Variants in RPS6KC1 observed in about 807,000 individuals in gnomAD.
The protein encoded by RPS6KC1 is ribosomal protein S6 kinase C1.
A neutral mutation model predicts 103.8 loss-of-function variants in RPS6KC1; 54 were observed. The ratio of observed to expected loss-of-function variants is 0.52; its 90% CI spans 0.42 to 0.65. The LOEUF (loss-of-function observed/expected upper bound fraction) is 0.65, where lower values mean the gene tolerates loss of function less well. Ranked by LOEUF, RPS6KC1 falls within the 30% of genes least tolerant of loss-of-function variation. The probability of loss-of-function intolerance (pLI) is 0.00; values close to 1 mark genes in which losing one functional copy is unlikely to be tolerated. For missense variants in RPS6KC1, 1,151 were observed against 1,253.8 expected, an observed-to-expected ratio of 0.92 and a Z score of 1.24; for synonymous variants, 439 against 438.7, an observed-to-expected ratio of 1.00 and a Z score of -0.01.
chr1:213,440,843 T>C, the RPS6KC1 span, among the ~76,000 whole-genome samples: 1 of 152,162 alleles, frequency 6.6e-6, no homozygotes, highest in African/African-American at 2.4e-5. Flanking sequence ...TTCCCACCCA[T>C]CACCCTAGTT....
At chr1:213,622,676 C>T in the RPS6KC1 span, among the ~76,000 whole-genome samples, 8 of 152,118 alleles carry the variant, frequency 5.3e-5, no homozygotes, top group African/African-American at 1.4e-4. Context: ...CCCCTGACCC[C>T]CATAGGCACT....
intron 8 of RPS6KC1, among the ~76,000 whole-genome samples, chr1:213,183,833 G>T (rs139347542): frequency 4.6e-5 from 7 of 152,044 alleles, no homozygotes; most frequent in Non-Finnish European, 1.0e-4. Flanking sequence ...AAATTTTTGC[G>T]TAAAGCTGGT....
the RPS6KC1 span, among the ~76,000 whole-genome samples, chr1:213,362,755 A>T: frequency 0.63 from 96,344 of 152,132 alleles, 33,002 homozygotes; most frequent in African/African-American, 0.91. Context: ...GAGATTAAAA[A>T]GGAGGGATTT....
At chr1:213,205,547 G>GATATAGATATATATAT (rs1187996128) in intron 8 of RPS6KC1, among the ~76,000 whole-genome samples, 3 of 102,452 alleles carry the variant, frequency 2.9e-5, no homozygotes, top group African/African-American at 1.1e-4. Flanking sequence ...TATATATATA[G>GATATAGATATATATAT]ATATATATAT....
chr1:213,588,579 G>A, the RPS6KC1 span, among the ~76,000 whole-genome samples: 30 of 152,160 alleles, frequency 2.0e-4, no homozygotes, highest in East Asian at 5.8e-4. Context: ...GATTACAGGC[G>A]TGAGACACCA....
the RPS6KC1 span, among the ~76,000 whole-genome samples, chr1:213,335,639 A>G: frequency 1.3e-5 from 2 of 152,188 alleles, no homozygotes; most frequent in African/African-American, 4.8e-5. Context: ...CTGCAACCCC[A>G]TTGGCCAGAA....
At chr1:213,760,744 A>G in the RPS6KC1 span, among the ~76,000 whole-genome samples, 4 of 151,998 alleles carry the variant, frequency 2.6e-5, no homozygotes, top group African/African-American at 9.7e-5. Flanking sequence ...GATATTAGCC[A>G]GATCTTGTAG....
At chr1:213,135,303 C>A (rs1207600264) in intron 6 of RPS6KC1, among the ~76,000 whole-genome samples, 2 of 151,896 alleles carry the variant, frequency 1.3e-5, no homozygotes, top group African/African-American at 4.8e-5. Context: ...AAGTTTGAAC[C>A]CAGTTGTGCC....
the RPS6KC1 span, among the ~76,000 whole-genome samples, chr1:213,845,663 A>G: frequency 1.3e-5 from 2 of 152,206 alleles, no homozygotes; most frequent in Admixed American, 6.5e-5. Flanking sequence ...GATAGGTACT[A>G]GATATTACCT....
chr1:213,671,183 G>A, the RPS6KC1 span, among the ~76,000 whole-genome samples: 6 of 152,306 alleles, frequency 3.9e-5, no homozygotes, highest in South Asian at 1.0e-3. Flanking sequence ...CAATGGAATA[G>A]TATTCAGCCT....
intron 6 of RPS6KC1, among the ~76,000 whole-genome samples, chr1:213,161,264 C>G (rs1055246552): frequency 1.3e-5 from 2 of 151,842 alleles, no homozygotes; most frequent in Non-Finnish European, 2.9e-5. Flanking sequence ...GGAGGATTTT[C>G]TCTGTTACTC....
chr1:213,601,913 TTCCC>T, the RPS6KC1 span, among the ~76,000 whole-genome samples: 323 of 139,418 alleles, frequency 2.3e-3, 3 homozygotes, highest in African/African-American at 8.1e-3. Flanking sequence ...TTCCCTTCCC[TTCCC>T]TCCCTCCCTC....
At chr1:213,542,046 G>A in the RPS6KC1 span, among the ~76,000 whole-genome samples, 1 of 152,204 alleles carries the variant, frequency 6.6e-6, no homozygotes, top group Admixed American at 6.5e-5. Flanking sequence ...CTGTGGATAG[G>A]GAGACACGAT....
At chr1:213,854,276 G>A in the RPS6KC1 span, among the ~76,000 whole-genome samples, 2 of 152,254 alleles carry the variant, frequency 1.3e-5, no homozygotes, top group African/African-American at 4.8e-5. Flanking sequence ...TCATTTTCTG[G>A]GCTACTTTTA....
In RPS6KC1 at chr1:213,131,033, C is replaced by T. The variant is rs78096825; in HGVS notation, c.835+1144C>T. Among the ~76,000 whole-genome samples the T allele has an allele frequency of 4.2e-3, 638 of 151,916 alleles. 2 individuals carry two copies. Among genetic ancestry groups the T allele is most frequent in the African/African-American group, 0.015 (602 of 41,422 alleles). On this transcript the variant is annotated intron_variant, in intron 6 of 14. Coordinates refer to ENST00000366960, the MANE Select transcript of RPS6KC1 (RefSeq NM_012424.6). ...TTGTCTTAAAGAAATTTTTGACTGC[C>T]ATGTTAATAGAGTTTCTGGAGGGAG...
intron 6 of RPS6KC1, among the ~76,000 whole-genome samples, chr1:213,164,102 A>T (rs2090736568): frequency 6.6e-6 from 1 of 152,248 alleles, no homozygotes; most frequent in Non-Finnish European, 1.5e-5. Flanking sequence ...AGGCTCTTAT[A>T]GTAACTGTGT....
the RPS6KC1 span, among the ~76,000 whole-genome samples, chr1:213,418,878 C>T: frequency 6.6e-6 from 1 of 152,202 alleles, no homozygotes; most frequent in African/African-American, 2.4e-5. Context: ...TACTCAGCTC[C>T]CCCCAGCTGC....
At chr1:213,558,595 G>C in the RPS6KC1 span, among the ~76,000 whole-genome samples, 2 of 152,176 alleles carry the variant, frequency 1.3e-5, no homozygotes, top group Non-Finnish European at 2.9e-5. Flanking sequence ...CTGTCTTTCT[G>C]GCCAATGACA....
At chr1:213,409,437 G>A in the RPS6KC1 span, among the ~76,000 whole-genome samples, 4 of 152,026 alleles carry the variant, frequency 2.6e-5, no homozygotes, top group African/African-American at 9.7e-5. Flanking sequence ...TCTTTGGCCA[G>A]AGGGACAAGG....
Sources: allele counts gnomAD v4.1 joint callset (sites outside exome capture counted in the v4.1 genomes callset), GRCh38; gene constraint gnomAD v4.1.1; transcripts MANE v1.5; gene names NCBI Gene and HGNC (gene_info 2026-07-23, HGNC 2026-07-21).